WDFY4: variants seen among roughly 807,000 people sequenced by gnomAD.
The protein encoded by WDFY4 is WD repeat- and FYVE domain-containing protein 4.
WDFY4 carries 169 observed loss-of-function variants against 351.9 expected under a neutral mutation model. The ratio of observed to expected loss-of-function variants is 0.48; its 90% CI spans 0.42 to 0.55. The LOEUF is 0.55. WDFY4 is among the 20% of genes least tolerant of loss of function. The pLI, the probability that WDFY4 is intolerant of heterozygous loss-of-function variation, is 0.00. For synonymous variants in WDFY4, 1,622 were observed against 1,574.6 expected, an observed-to-expected ratio of 1.03 and a Z score of -0.71; for missense variants, 3,803 against 3,935.6, an observed-to-expected ratio of 0.97 and a Z score of 0.90.
At chr10:48,721,930 C>T (rs574307097) in intron 4 of WDFY4, among the ~76,000 whole-genome samples, 8 of 152,190 alleles carry the variant, frequency 5.3e-5, no homozygotes, top group African/African-American at 7.2e-5. Context: ...GTCTCGCCCT[C>T]GCCCAGAGAT....
chr10:48,860,356 C>T lies in WDFY4; in HGVS notation c.6664-6909C>T, dbSNP rs111384399. Among the ~76,000 whole-genome samples the T allele has an allele frequency of 3.4e-3, 515 of 152,324 alleles. 3 individuals are homozygous for T. Among genetic ancestry groups the T allele is most frequent in the African/African-American group, 0.012 (483 of 41,578 alleles). On this transcript the variant is annotated intron_variant, in intron 39 of 61. Transcript: ENST00000325239. ...TGACAGTTCTACAGGCTGGGAAGTCCGAGAGCTAGGTGCCGGCTAATTGTC... is the reference window on the plus strand; with the variant it reads ...TGACAGTTCTACAGGCTGGGAAGTCTGAGAGCTAGGTGCCGGCTAATTGTC...
At chr10:48,847,752 C>G (rs537072122) in intron 39 of WDFY4, among the ~76,000 whole-genome samples, 2 of 152,240 alleles carry the variant, frequency 1.3e-5, no homozygotes, top group East Asian at 3.9e-4. Context: ...AAGGATTTGT[C>G]TTTTGCTATA....
chr10:48,935,816 G>A lies in WDFY4; in HGVS notation c.7587-5990G>A, dbSNP rs542141105. On this transcript the variant is annotated intron_variant, in intron 47 of 61. Transcript: ENST00000325239. Reference sequence around the variant, plus strand: ...CTGCATCCTGAATGAACACACAGCAGTAAGCCTTGTGCTTTGCTTTTCCTG... The same window carrying A: ...CTGCATCCTGAATGAACACACAGCAATAAGCCTTGTGCTTTGCTTTTCCTG... Among the ~76,000 whole-genome samples, 34 of 152,108 alleles carry A rather than the reference G, an allele frequency of 2.2e-4. No individual in the cohort carries two copies. In the South Asian group the frequency reaches 6.8e-3, roughly 31 times the overall value.
intron 2 of WDFY4, among the ~76,000 whole-genome samples, chr10:48,719,389 C>A (rs912550282): frequency 2.0e-5 from 3 of 152,146 alleles, no homozygotes; most frequent in Non-Finnish European, 4.4e-5. Context: ...GAGAGCACAG[C>A]GATGCTCAGT....
rs1479249446 is a variant in WDFY4, at chr10:48,978,325, A to C, written c.9308A>C (p.Asp3103Ala). The C allele has an allele frequency of 6.4e-7, 1 of 1,551,388 alleles. No homozygotes were observed. Among genetic ancestry groups the C allele is most frequent in the Non-Finnish European group, 8.7e-7 (1 of 1,146,856 alleles). Residue 3103 changes from aspartate to alanine, a missense_variant, in exon 60 of 62, where the codon GAT becomes GCT. Around this residue, in one of 3 missense-constraint regions of WDFY4, gnomAD observed 3,054 missense variants for 3,148.6 expected, o/e 0.97. Coordinates refer to ENST00000325239, the MANE Select transcript of WDFY4 (RefSeq NM_001394531.1). ...TTGGGGCAGGTTTGGAAGACTGAGGATGTGAAGATGTCTGTTCCTGGACGG... is the reference window on the plus strand; with the variant it reads ...TTGGGGCAGGTTTGGAAGACTGAGGCTGTGAAGATGTCTGTTCCTGGACGG... The part of the protein sequence containing the change: ...DGMVRVWKTE[D>A]VKMSVPGRPA...
chr10:48,889,766 A>G (rs1158895585), intron 43 of WDFY4, among the ~76,000 whole-genome samples: 1 of 152,200 alleles, frequency 6.6e-6, no homozygotes, highest in African/African-American at 2.4e-5. Context: ...TGAGGATTGC[A>G]GGGCTGGGCC....
At chr10:48,820,473 T>C in intron 33 of WDFY4, 36 bp downstream of exon 33, 7 of 1,541,876 alleles carry the variant, frequency 4.5e-6, no homozygotes, top group Non-Finnish European at 5.3e-6. Context: ...CCATGTGCTG[T>C]GGAGGCTGCC....
chr10:48,843,236 G>T (rs545055581), intron 39 of WDFY4, among the ~76,000 whole-genome samples: 9 of 152,286 alleles, frequency 5.9e-5, no homozygotes, highest in Admixed American at 2.6e-4. Context: ...TGATATTCTT[G>T]TTTCTTTCTC....
chr10:48,780,342 G>A (rs955512140), intron 19 of WDFY4, among the ~76,000 whole-genome samples: 3 of 152,218 alleles, frequency 2.0e-5, no homozygotes, highest in Non-Finnish European at 2.9e-5. Context: ...CACGCTACCA[G>A]GGCAGAAGGC....
intron 56 of WDFY4, among the ~76,000 whole-genome samples, chr10:48,969,873 A>C (rs1229542245): frequency 6.6e-6 from 1 of 151,412 alleles, no homozygotes; most frequent in African/African-American, 2.4e-5. Flanking sequence ...CCTGACCCCC[A>C]AGCTAAGCCA....
At position 48,832,716 on chromosome 10, in the gene WDFY4, C is replaced by T. The variant is rs1042528265; in HGVS notation, c.6663+7C>T. 2.0e-6 allele frequency: 3 copies of T among 1,519,858 alleles called. No individual in the cohort carries two copies. The highest frequency in any genetic ancestry group is 2.7e-6 in the Non-Finnish European group (3 of 1,128,914). 94.1% of individuals were successfully genotyped at this position (1,519,858 alleles called of 1,614,324 possible). On this transcript the variant is annotated splice_region_variant and intron_variant, in intron 39 of 61. Coordinates refer to ENST00000325239, the MANE Select transcript of WDFY4 (RefSeq NM_001394531.1). ...CCCTGAGTGCAAGACAGAGGTGAGC[C>T]CAGACCCCTTTTCCTCAGAAAAGTA...
intron 1 of WDFY4, among the ~76,000 whole-genome samples, chr10:48,704,799 A>G (rs569014893): frequency 3.3e-5 from 5 of 152,324 alleles, no homozygotes; most frequent in Non-Finnish European, 7.4e-5. Context: ...CCTCAGTACC[A>G]GCTGTGGACG....
rs2064382923 is a variant in WDFY4 at position 48,729,510 on chromosome 10, T to C, written c.1050T>C (p.Cys350=). The C allele has an allele frequency of 5.2e-6, 8 of 1,551,682 alleles. No individual in the cohort carries two copies. Among genetic ancestry groups the C allele is most frequent in the Non-Finnish European group, 7.0e-6 (8 of 1,146,982 alleles). The change falls in exon 8 of 62, where the codon TGT becomes TGC. Residue 350 remains cysteine, a synonymous_variant. Coordinates refer to ENST00000325239, the MANE Select transcript of WDFY4 (RefSeq NM_001394531.1). ...GGCTGGTGGTGTGGCTGACAACCTGTGGGAGGTCAGAGCTGAAGGTGTTTG... is the reference window on the plus strand; with the variant it reads ...GGCTGGTGGTGTGGCTGACAACCTGCGGGAGGTCAGAGCTGAAGGTGTTTG... ...LLGLVVWLTT[C]GRSELKVFDS...
intron 2 of WDFY4, among the ~76,000 whole-genome samples, chr10:48,711,950 C>A (rs2063778457): frequency 6.6e-6 from 1 of 152,234 alleles, no homozygotes; most frequent in African/African-American, 2.4e-5. Flanking sequence ...CTCACTCCAA[C>A]ATCTTTCACC....
At chr10:48,945,529 A>G (rs2133776475) in intron 49 of WDFY4, among the ~76,000 whole-genome samples, 1 of 152,214 alleles carries the variant, frequency 6.6e-6, no homozygotes, top group East Asian at 1.9e-4. Context: ...TTTTCTCTGC[A>G]GTATATTCCA....
intron 24 of WDFY4, among the ~76,000 whole-genome samples, chr10:48,802,087 A>G (rs1226516156): frequency 6.6e-6 from 1 of 152,044 alleles, no homozygotes; most frequent in Non-Finnish European, 1.5e-5. Flanking sequence ...CTAGATGCAG[A>G]TAATAGGCCG....
At chr10:48,705,787 G>A (rs2063611547) in intron 1 of WDFY4, among the ~76,000 whole-genome samples, 1 of 152,212 alleles carries the variant, frequency 6.6e-6, no homozygotes, top group African/African-American at 2.4e-5. Context: ...GGCGGTTTCT[G>A]ATCCTTTCTC....
At chr10:48,888,278 C>T (rs1013247462) in intron 43 of WDFY4, among the ~76,000 whole-genome samples, 1 of 136,866 alleles carries the variant, frequency 7.3e-6, no homozygotes, top group Non-Finnish European at 1.6e-5. Flanking sequence ...CTTTCCTCTC[C>T]CCTCCCCCTC....
chr10:48,974,839 A>T, intron 57 of WDFY4, 23 bp from the exon 58 acceptor site: 2 of 1,517,408 alleles, frequency 1.3e-6, no homozygotes, highest in Non-Finnish European at 1.8e-6. Context: ...TCCCTCTCCT[A>T]ACCTGTGAGT....
Sources: allele counts gnomAD v4.1 joint callset (sites outside exome capture counted in the v4.1 genomes callset), GRCh38; gene constraint gnomAD v4.1.1; regional missense constraint gnomAD v4.1.1; transcripts MANE v1.5; gene names NCBI Gene and HGNC (gene_info 2026-07-23, HGNC 2026-07-21).